MICU1: variants seen among roughly 807,000 people sequenced by gnomAD.
MICU1 encodes the protein mitochondrial calcium uptake 1.
Under a neutral mutation model 56.8 loss-of-function variants are expected in MICU1, and 45 were observed. The observed-to-expected ratio is 0.79, with a 90% CI of 0.62 to 1.02. The LOEUF is 1.02. Ranked by LOEUF, MICU1 falls within the 50% of genes least tolerant of loss-of-function variation. The pLI, the probability that MICU1 is intolerant of heterozygous loss-of-function variation, is 0.00. For missense variants in MICU1, 504 were observed against 587.1 expected (o/e 0.86, Z 1.46); for synonymous variants, 186 against 195.1 (o/e 0.95, Z 0.39).
chr10:72,454,322 C>T (rs1468028504), intron 8 of MICU1, among the ~76,000 whole-genome samples: 2 of 151,422 alleles, frequency 1.3e-5, no homozygotes, highest in East Asian at 2.0e-4. Context: ...GGTGTGGTGG[C>T]ACATGTCTGT....
At chr10:72,543,740 A>G (rs1200321064) in intron 4 of MICU1, among the ~76,000 whole-genome samples, 1 of 151,994 alleles carries the variant, frequency 6.6e-6, no homozygotes, top group Non-Finnish European at 1.5e-5. Flanking sequence ...CTGTAGTCCC[A>G]GCTGGAGGCT....
chr10:72,511,650 G>A (rs1366355024), intron 5 of MICU1, among the ~76,000 whole-genome samples: 1 of 152,152 alleles, frequency 6.6e-6, no homozygotes, highest in Non-Finnish European at 1.5e-5. Context: ...ATACACAGTT[G>A]CCCAAAGAGC....
At chr10:72,473,806 T>C (rs965974400) in intron 8 of MICU1, among the ~76,000 whole-genome samples, 2 of 152,148 alleles carry the variant, frequency 1.3e-5, no homozygotes, top group Admixed American at 1.3e-4. Context: ...GGTGAAATCA[T>C]ATATAAGAAT....
At chr10:72,592,007 T>G (rs114297117) in intron 1 of MICU1, among the ~76,000 whole-genome samples, 3,242 of 149,898 alleles carry the variant, frequency 0.022, 116 homozygotes, top group African/African-American at 0.076. Context: ...GAGGCCCTGG[T>G]TTTTTTGTTT....
At chr10:72,564,181 A>G (rs559537026) in intron 2 of MICU1, among the ~76,000 whole-genome samples, 1 of 152,360 alleles carries the variant, frequency 6.6e-6, no homozygotes, top group East Asian at 1.9e-4. Flanking sequence ...GCAAAAATAC[A>G]GAAAATTGAA....
chr10:72,508,205 C>CG lies in MICU1; in HGVS notation c.601_602insC (p.Cys201SerfsTer24). 1 of 1,552,512 alleles carries CG rather than the reference C, an allele frequency of 6.4e-7. No homozygotes were observed. On this transcript the variant is annotated frameshift_variant, in exon 6 of 12. Coordinates refer to ENST00000361114, the MANE Select transcript of MICU1 (RefSeq NM_001195518.2). LOFTEE classifies it high-confidence loss of function. ...GTAGTCTGAAAAGGATATGAGCCCA[C>CG]ATTCTCCAAGGGTGTAAAATATACT...
chr10:72,421,695 C>CTA (rs1864180271), intron 9 of MICU1, among the ~76,000 whole-genome samples: 1 of 152,216 alleles, frequency 6.6e-6, no homozygotes, highest in African/African-American at 2.4e-5. Context: ...AACTCTAACT[C>CTA]ATCTCCTAAA....
intron 5 of MICU1, among the ~76,000 whole-genome samples, chr10:72,510,558 TTC>T (rs1331220162): frequency 8.5e-5 from 13 of 152,152 alleles, no homozygotes; most frequent in African/African-American, 2.9e-4. Context: ...CAAAATGTAA[TTC>T]TGATACATAA....
At chr10:72,380,520 T>C (rs1210618284) in intron 10 of MICU1, among the ~76,000 whole-genome samples, 1 of 152,072 alleles carries the variant, frequency 6.6e-6, no homozygotes, top group Admixed American at 6.6e-5. Flanking sequence ...AAACCCTGAG[T>C]TTGTGTGATA....
chr10:72,414,063 G>A (rs1031426803), intron 9 of MICU1, among the ~76,000 whole-genome samples: 3 of 152,102 alleles, frequency 2.0e-5, no homozygotes, highest in African/African-American at 7.2e-5. Context: ...TTTGGAAAAC[G>A]GTTTAGCAGT....
chr10:72,533,599 T>C (rs1839548650), intron 5 of MICU1, 147 bp downstream of exon 5: 1 of 561,714 alleles, frequency 1.8e-6, no homozygotes. Flanking sequence ...TAGAGGTATG[T>C]AGAGGCACAG....
At chr10:72,550,605 T>G (rs892365289) in intron 4 of MICU1, among the ~76,000 whole-genome samples, 9 of 152,240 alleles carry the variant, frequency 5.9e-5, no homozygotes, top group African/African-American at 1.9e-4. Context: ...CACAACATTT[T>G]CATAACCAAT....
At chr10:72,535,039 A>ATTTTATTTTATTTT (rs367546666) in intron 4 of MICU1, among the ~76,000 whole-genome samples, 1 of 123,114 alleles carries the variant, frequency 8.1e-6, no homozygotes. Context: ...TATTTTATTT[A>ATTTTATTTTATTTT]TTTATTTTGA....
At chr10:72,529,958 T>C (rs1309167321) in intron 5 of MICU1, among the ~76,000 whole-genome samples, 1 of 148,390 alleles carries the variant, frequency 6.7e-6, no homozygotes, top group African/African-American at 2.5e-5. Flanking sequence ...TTTTTTTTTT[T>C]TTTTTTTTTT....
At chr10:72,385,556 G>C (rs932495769) in intron 10 of MICU1, among the ~76,000 whole-genome samples, 1 of 152,174 alleles carries the variant, frequency 6.6e-6, no homozygotes, top group East Asian at 1.9e-4. Context: ...TGATTTTTAA[G>C]TTATCTTCCA....
At chr10:72,514,982 C>T (rs142438973) in intron 5 of MICU1, among the ~76,000 whole-genome samples, 106 of 152,302 alleles carry the variant, frequency 7.0e-4, no homozygotes, top group African/African-American at 2.5e-3. Flanking sequence ...CTGACAAATG[C>T]TGCCCCAGTC....
chr10:72,483,837 T>G (rs139954157), intron 6 of MICU1: 2 of 152,192 alleles, frequency 1.3e-5, no homozygotes, highest in African/African-American at 4.8e-5. Context: ...AGGTCACCTA[T>G]TATGGATTTG....
At chr10:72,482,929 C>T (rs1313901705) in intron 6 of MICU1, among the ~76,000 whole-genome samples, 3 of 151,712 alleles carry the variant, frequency 2.0e-5, no homozygotes, top group Non-Finnish European at 4.4e-5. Flanking sequence ...GATTTTGGCT[C>T]ACTGCAACCT....
chr10:72,413,974 C>T (rs1431380521), intron 9 of MICU1, among the ~76,000 whole-genome samples: 2 of 152,136 alleles, frequency 1.3e-5, no homozygotes, highest in East Asian at 3.8e-4. Context: ...AGAAGACAGA[C>T]AATAACAGGT....
Sources: gnomAD v4.1 joint callset for allele counts (sites outside exome capture counted in the v4.1 genomes callset) on GRCh38, gnomAD v4.1.1 for gene constraint, MANE v1.5 for transcripts, NCBI Gene and HGNC (gene_info 2026-07-23, HGNC 2026-07-21) for gene names.